The following KIF5A variants were observed in gnomAD, a reference collection of about 807,000 sequenced individuals.
KIF5A encodes the protein kinesin heavy chain isoform 5A.
In KIF5A, 35 loss-of-function variants were observed where a neutral mutation model predicts 141.3. That is an observed-to-expected ratio of 0.25 (90% confidence interval 0.19 to 0.33). The LOEUF is 0.33. Among genes scored for constraint, KIF5A ranks in the 10% least tolerant of loss-of-function variants. KIF5A has a pLI of 1.00. For synonymous variants in KIF5A, 448 were observed against 500.2 expected (o/e 0.90, Z 1.39); for missense variants, 861 against 1,314.3 (o/e 0.66, Z 5.33).
chr12:57,582,733 G>A, intron 27 of KIF5A, 104 bp downstream of exon 27: 1 of 948,312 alleles, frequency 1.1e-6, no homozygotes, highest in East Asian at 2.4e-5. Context: ...TTTGGGGAAG[G>A]GGGAGGGAGT....
At chr12:57,581,263 A>G in intron 24 of KIF5A, 91 bp downstream of exon 24, 1 of 1,499,568 alleles carries the variant, frequency 6.7e-7, no homozygotes, top group Non-Finnish European at 9.2e-7. Context: ...ATTGCTTCTT[A>G]CCTACCCCTA....
At chr12:57,551,283 C>T (rs1881565157) in intron 1 of KIF5A, among the ~76,000 whole-genome samples, 2 of 152,196 alleles carry the variant, frequency 1.3e-5, no homozygotes, top group Admixed American at 1.3e-4. Context: ...AAACAACATT[C>T]AGAAGTAGTA....
intron 1 of KIF5A, among the ~76,000 whole-genome samples, chr12:57,562,700 C>T (rs1188346000): frequency 6.6e-6 from 1 of 152,204 alleles, no homozygotes; most frequent in Non-Finnish European, 1.5e-5. Flanking sequence ...AACTTTGCAT[C>T]TTTCACTTAG....
intron 6 of KIF5A, among the ~76,000 whole-genome samples, chr12:57,565,275 A>C (rs1354647121): frequency 1.3e-5 from 2 of 151,572 alleles, no homozygotes; most frequent in Non-Finnish European, 2.9e-5. Flanking sequence ...CAAAAAATTA[A>C]CTGGGCGTGG....
chr12:57,570,008 A>G lies in KIF5A; in HGVS notation c.1139A>G (p.Glu380Gly). 6 of 1,613,570 alleles carry G rather than the reference A, an allele frequency of 3.7e-6. No individual in the cohort carries two copies. Among genetic ancestry groups the G allele is most frequent in the Non-Finnish European group, 5.1e-6 (6 of 1,179,532 alleles). The change falls in exon 12 of 29, where the codon GAG becomes GGG. Residue 380 changes from glutamate (E) to glycine (G), a missense_variant. By Grantham distance (98) the Glu-to-Gly change is moderately conservative (BLOSUM62 -2). Coordinates refer to ENST00000455537, the MANE Select transcript of KIF5A (RefSeq NM_004984.4). ...WRNGENVPET[E>G]RLAGEEAALG... ...GCAGGAGAGAATGTGCCTGAGACAG[A>G]GCGCCTGGCTGGGGAGGAGGCAGCC...
chr12:57,565,890 G>T (rs1033584730), intron 6 of KIF5A, among the ~76,000 whole-genome samples: 3 of 150,750 alleles, frequency 2.0e-5, no homozygotes, highest in Non-Finnish European at 4.4e-5. Context: ...CTCCCAAAGT[G>T]CTGGAATTAC....
In KIF5A at chr12:57,564,119, C is replaced by T. The variant is rs769191561; in HGVS notation, c.303C>T (p.His101=). The part of the protein sequence containing the change: ...GKTHTMEGKL[H]DPQLMGIIPR... ...CCTTCACTCGCCAGGGAAAGCTGCA[C>T]GACCCTCAGCTGATGGGAATCATTC... The change falls in exon 4 of 29, where the codon CAC becomes CAT. Residue 101 remains histidine (H), a synonymous_variant. Coordinates refer to ENST00000455537, the MANE Select transcript of KIF5A (RefSeq NM_004984.4). 10 of 1,613,182 alleles carry T rather than the reference C, an allele frequency of 6.2e-6. No homozygotes were observed. Among genetic ancestry groups the T allele is most frequent in the Admixed American group, 3.3e-5 (2 of 60,014 alleles).
At chr12:57,565,476 C>T (rs1336722217) in intron 6 of KIF5A, among the ~76,000 whole-genome samples, 1 of 151,686 alleles carries the variant, frequency 6.6e-6, no homozygotes, top group Admixed American at 6.6e-5. Flanking sequence ...GGTCAGTGTG[C>T]ATGCAATTTA....
chr12:57,575,613 T>C, intron 16 of KIF5A, 27 bp from the exon 17 acceptor site: 1 of 1,588,682 alleles, frequency 6.3e-7, no homozygotes, highest in Non-Finnish European at 8.6e-7. Context: ...CTCCATCTTC[T>C]TCCTCTCACC....
Position 57,581,474 on chromosome 12 carries a change from C to T in KIF5A, c.2815C>T (p.Arg939Trp), listed in dbSNP as rs779422769. 10 of 1,613,958 alleles carry T rather than the reference C, an allele frequency of 6.2e-6. No homozygotes were observed. The highest frequency in any genetic ancestry group is 2.2e-5 in the South Asian group (2 of 91,082). ...ASSPTNPYGTRSPECISYTNS... is the reference protein window; with the variant it reads ...ASSPTNPYGTWSPECISYTNS... ...CTCACCCACCAACCCCTATGGCACC[C>T]GGAGCCCTGAGTGCATCAGTTACAC... is the stretch of plus-strand genomic sequence containing the variant. The change falls in exon 25 of 29, where the codon CGG becomes TGG. Residue 939 changes from arginine (R) to tryptophan (W), a missense_variant. Physicochemically the swap from Arg to Trp is moderately radical, Grantham distance 101 (BLOSUM62 -3). This residue lies in a region of KIF5A where 482 missense variants were observed against 661.3 expected (regional missense o/e 0.73). Coordinates refer to ENST00000455537, the MANE Select transcript of KIF5A (RefSeq NM_004984.4).
Position 57,572,210 on chromosome 12 carries a change from G to T in KIF5A, c.1512G>T (p.Glu504Asp). The T allele has an allele frequency of 6.2e-7, 1 of 1,612,630 alleles. No individual in the cohort carries two copies. The highest frequency in any genetic ancestry group is 8.5e-7 in the Non-Finnish European group (1 of 1,179,360). ...TGAACTATGACCAGAAGTCCCAGGA[G>T]GTGGAGGAGAAGAGCCAGCAGAACC... is the stretch of plus-strand genomic sequence containing the variant. ...LAVNYDQKSQ[E>D]VEEKSQQNQL... is the part of the protein sequence containing the mutation. The change falls in exon 14 of 29, where the codon GAG (glutamate) becomes GAT (aspartate). Residue 504 changes from glutamate (E) to aspartate (D), a missense_variant. Coordinates refer to ENST00000455537, the MANE Select transcript of KIF5A (RefSeq NM_004984.4). This position sits in a 1 kb window ranked among gnomAD's most constrained non-coding sequence, Gnocchi z 4.2.
chr12:57,564,030 G>A (rs1046878705), intron 3 of KIF5A, 78 bp from the exon 4 acceptor site: 1 of 988,052 alleles, frequency 1.0e-6, no homozygotes, highest in East Asian at 2.4e-5. Context: ...CTCTTGCCTT[G>A]GTGTTCACCT....
intron 1 of KIF5A, among the ~76,000 whole-genome samples, chr12:57,554,531 C>T (rs566313906): frequency 3.9e-5 from 6 of 152,226 alleles, no homozygotes; most frequent in Non-Finnish European, 7.3e-5. Context: ...TTCTTGCTCC[C>T]TTCCTTGTCA....
rs1381639610 is a variant in KIF5A at position 57,581,461 on chromosome 12, C to T, written c.2802C>T (p.Asn934=). ...PGHYPASSPT[N]PYGTRSPECI... ...ACTACCCAGCATCCTCACCCACCAA[C>T]CCCTATGGCACCCGGAGCCCTGAGT... The change falls in exon 25 of 29, where the codon AAC becomes AAT. Residue 934 remains asparagine (N), a synonymous_variant. Transcript: ENST00000455537. 2 of 1,614,068 alleles carry T rather than the reference C, an allele frequency of 1.2e-6. No homozygotes were observed. The highest frequency in any genetic ancestry group is 1.7e-6 in the Non-Finnish European group (2 of 1,180,022).
rs947640945 is a variant in KIF5A, at chr12:57,550,224, C to G, written c.-48C>G. The stretch of plus-strand genomic sequence containing the variant: ...AGAGCCCTCTCCTCTGGAGCACACA[C>G]CACCCCTGCAGCCCAAGAAGAGTCC... On this transcript the variant is annotated 5_prime_UTR_variant, in exon 1 of 29. Coordinates refer to ENST00000455537, the MANE Select transcript of KIF5A (RefSeq NM_004984.4). The surrounding 1 kb of genome is among the most constrained non-coding windows in gnomAD (Gnocchi z 4.6). The G allele has an allele frequency of 1.2e-6, 2 of 1,612,474 alleles. No homozygotes were observed. The highest frequency in any genetic ancestry group is 1.7e-6 in the Non-Finnish European group (2 of 1,179,744).
At position 57,575,708 on chromosome 12, in the gene KIF5A, A is replaced by G; in HGVS notation, c.1974A>G (p.Glu658=). The G allele has an allele frequency of 1.2e-6, 2 of 1,614,224 alleles. No homozygotes were observed. Among genetic ancestry groups the G allele is most frequent in the Non-Finnish European group, 1.7e-6 (2 of 1,180,042 alleles). Residue 658 remains glutamate, a synonymous_variant, in exon 17 of 29, where the codon GAA becomes GAG. Coordinates refer to ENST00000455537, the MANE Select transcript of KIF5A (RefSeq NM_004984.4). ...TGGAGCTAAAGAAGCGGCACCTGGAAGAGTCCTATGACTCCTTGAGCGATG... is the reference window on the plus strand; with the variant it reads ...TGGAGCTAAAGAAGCGGCACCTGGAGGAGTCCTATGACTCCTTGAGCGATG... ...QSVELKKRHL[E]ESYDSLSDEL...
At chr12:57,559,091 T>A (rs1458369900) in intron 1 of KIF5A, among the ~76,000 whole-genome samples, 1 of 152,246 alleles carries the variant, frequency 6.6e-6, no homozygotes. Flanking sequence ...TATAATTTGT[T>A]GTAGGGATAG....
In KIF5A at chr12:57,550,431, G is replaced by A. The variant is rs751931806; in HGVS notation, c.129+31G>A. 1.2e-6 allele frequency: 2 copies of A among 1,612,532 alleles called. No homozygotes were observed. The highest frequency in any genetic ancestry group is 2.2e-5 in the South Asian group (2 of 91,038). Reference sequence around the variant, plus strand: ...TGTCGCCCAGGAGGGAATTCGGGGAGGGGGCAGGTGGCTGAATCTCCCCGC... The same window carrying A: ...TGTCGCCCAGGAGGGAATTCGGGGAAGGGGCAGGTGGCTGAATCTCCCCGC... On this transcript the variant is annotated intron_variant, in intron 1 of 28. Transcript: ENST00000455537. The surrounding 1 kb of genome is among the most constrained non-coding windows in gnomAD (Gnocchi z 4.6).
chr12:57,583,499 A>G lies in KIF5A; in HGVS notation c.*36+284A>G, dbSNP rs1192122738. ...AGGGGTCACTGTCACATGTCCAAAG[A>G]AGTGAGCTTGGCCGCTGTAGATTAG... On this transcript the variant is annotated intron_variant, in intron 28 of 28. Transcript: ENST00000455537. 2.6e-5 allele frequency among the ~76,000 whole-genome samples: 4 copies of G among 152,220 alleles called. No homozygotes were observed. In the East Asian group the frequency reaches 5.8e-4, roughly 22 times the overall value.
Sources: allele counts gnomAD v4.1 joint callset (sites outside exome capture counted in the v4.1 genomes callset), GRCh38; gene constraint gnomAD v4.1.1; regional missense constraint gnomAD v4.1.1; non-coding constraint Gnocchi (gnomAD v3.1); transcripts MANE v1.5; gene names NCBI Gene and HGNC (gene_info 2026-07-23, HGNC 2026-07-21).